ENPP1: variants seen among roughly 807,000 people sequenced by gnomAD.
ENPP1 encodes the protein ectonucleotide pyrophosphatase/phosphodiesterase 1, also known as ectonucleotide pyrophosphatase/phosphodiesterase family member 1.
In ENPP1, 73 loss-of-function variants were observed where a neutral mutation model predicts 122.8. That is an observed-to-expected ratio of 0.59 (90% CI 0.49 to 0.72). The LOEUF is 0.72. Among genes scored for constraint, ENPP1 ranks in the 30% least tolerant of loss-of-function variants. The pLI is 0.00. For missense variants in ENPP1, 978 were observed against 1,128.1 expected, an observed-to-expected ratio of 0.87 and a Z score of 1.91; for synonymous variants, 367 against 391.6, an observed-to-expected ratio of 0.94 and a Z score of 0.74.
chr6:131,871,924 G>T (rs1314508896), intron 13 of ENPP1, 146 bp from the exon 14 acceptor site: 17 of 671,064 alleles, frequency 2.5e-5, no homozygotes, highest in Admixed American at 1.1e-4. Flanking sequence ...CCTTTCAGTG[G>T]CTACAATGTA....
At chr6:131,881,460 G>A (rs1782304737) in intron 20 of ENPP1, among the ~76,000 whole-genome samples, 1 of 152,082 alleles carries the variant, frequency 6.6e-6, no homozygotes, top group Admixed American at 6.5e-5. Context: ...TAACTTTACA[G>A]TCATTGCGAT....
At position 131,891,591 on chromosome 6, in the gene ENPP1, TTAGGCTACA is replaced by T. The variant is rs1325033295; in HGVS notation, c.*1085_*1093del. Reference sequence around the variant, plus strand: ...GAACCTTCAAAGACTGCATTAACTTTTAGGCTACATAGGTCCAATTGAGGTATAATATCA... The same window carrying T: ...GAACCTTCAAAGACTGCATTAACTTTTAGGTCCAATTGAGGTATAATATCA... On this transcript the variant is annotated 3_prime_UTR_variant, in exon 25 of 25. Coordinates refer to ENST00000647893, the MANE Select transcript of ENPP1 (RefSeq NM_006208.3). 6.6e-6 allele frequency: 1 copy of T among 152,218 alleles called. No individual in the cohort carries two copies. Among genetic ancestry groups the T allele is most frequent in the East Asian group, 1.9e-4 (1 of 5,200 alleles). 9.4% of individuals were successfully genotyped at this position (152,218 alleles called of 1,614,324 possible). A position where few individuals can be genotyped will look rare whatever the true frequency, so the allele number is the denominator to read the frequency against.
rs145159778 is a variant in ENPP1, at chr6:131,886,681, C to G, written c.2564C>G (p.Ala855Gly). The G allele has an allele frequency of 6.2e-7, 1 of 1,614,028 alleles. No individual in the cohort carries two copies. The highest frequency in any genetic ancestry group is 1.3e-5 in the African/African-American group (1 of 75,036). The stretch of plus-strand genomic sequence containing the variant: ...CACTGTGAAAACCTAGACACCTTAG[C>G]TTTCATTTTGCCTCACAGGACTGAT... The part of the protein sequence containing the change: ...PLHCENLDTL[A>G]FILPHRTDNS... The change falls in exon 24 of 25, where the codon GCT (alanine) becomes GGT (glycine). Residue 855 changes from alanine (A) to glycine (G), a missense_variant. This residue lies in a region of ENPP1 where 644 missense variants were observed against 781.5 expected (regional missense o/e 0.82). Transcript: ENST00000647893.
At chr6:131,813,743 G>T (rs76125562) in intron 1 of ENPP1, among the ~76,000 whole-genome samples, 2,353 of 152,254 alleles carry the variant, frequency 0.015, 68 homozygotes, top group African/African-American at 0.054. Context: ...GGAGGGAGTA[G>T]AATTAAGTGC....
chr6:131,817,959 A>T (rs553395424), intron 1 of ENPP1, among the ~76,000 whole-genome samples: 1 of 151,890 alleles, frequency 6.6e-6, no homozygotes, highest in South Asian at 2.1e-4. Flanking sequence ...CAAACATCCT[A>T]TAACAGGTGT....
At chr6:131,867,363 A>C (rs967921424) in intron 11 of ENPP1, among the ~76,000 whole-genome samples, 1 of 152,218 alleles carries the variant, frequency 6.6e-6, no homozygotes, top group African/African-American at 2.4e-5. Context: ...AATAAGTGCC[A>C]GAAAGCAGTT....
At chr6:131,813,848 G>T (rs1217436337) in intron 1 of ENPP1, among the ~76,000 whole-genome samples, 1 of 152,048 alleles carries the variant, frequency 6.6e-6, no homozygotes, top group Non-Finnish European at 1.5e-5. Context: ...GTTGGTCGAG[G>T]GCTTTGGATT....
rs1396166711 is a variant in ENPP1 at position 131,850,016 on chromosome 6, G to A, written c.340G>A (p.Glu114Lys). The change falls in exon 3 of 25, where the codon GAG becomes AAG. Residue 114 changes from glutamate to lysine, a missense_variant. Transcript: ENST00000647893. ...TAAAAGTTGCAAAGGTCGCTGTTTC[G>A]AGAGAACATTTGGGAACTGTCGCTG... ...EVKSCKGRCF[E>K]RTFGNCRCDA... The A allele has an allele frequency of 1.1e-5, 17 of 1,613,802 alleles. No individual in the cohort carries two copies. Among genetic ancestry groups the A allele is most frequent in the Admixed American group, 1.7e-5 (1 of 59,984 alleles).
At chr6:131,884,620 T>A (rs941277261) in intron 22 of ENPP1, among the ~76,000 whole-genome samples, 3 of 152,048 alleles carry the variant, frequency 2.0e-5, no homozygotes, top group Non-Finnish European at 4.4e-5. Flanking sequence ...CTACAAAAAA[T>A]TTTAATTAGC....
At chr6:131,871,937 G>T in intron 13 of ENPP1, 133 bp from the exon 14 acceptor site, 1 of 718,334 alleles carries the variant, frequency 1.4e-6, no homozygotes. Context: ...ACAATGTAAT[G>T]ACTTAAATGA....
At chr6:131,847,070 G>A (rs1281803955) in intron 1 of ENPP1, among the ~76,000 whole-genome samples, 1 of 152,218 alleles carries the variant, frequency 6.6e-6, no homozygotes, top group Non-Finnish European at 1.5e-5. Flanking sequence ...CAACTAGTTT[G>A]TGGTAACACT....
chr6:131,840,365 A>C (rs986611345), intron 1 of ENPP1, among the ~76,000 whole-genome samples: 1 of 152,246 alleles, frequency 6.6e-6, no homozygotes, highest in African/African-American at 2.4e-5. Context: ...AAAAAAAGGA[A>C]AAATGTTAAT....
chr6:131,890,669 C>T lies in ENPP1; in HGVS notation c.*158C>T. 1.5e-6 allele frequency: 1 copy of T among 678,558 alleles called. No homozygotes were observed. The highest frequency in any genetic ancestry group is 2.7e-5 in the East Asian group (1 of 37,068). 42.0% of individuals were successfully genotyped at this position (678,558 alleles called of 1,614,324 possible). ...ATCTCAGGGAAACTTGCGTACTCAG[C>T]ACAGCAGTGGAGAGTGTTCCTGTTG... On this transcript the variant is annotated 3_prime_UTR_variant, in exon 25 of 25. Transcript: ENST00000647893.
intron 1 of ENPP1, among the ~76,000 whole-genome samples, 182 bp from the exon 2 acceptor site, chr6:131,847,594 A>G (rs1236508925): frequency 6.6e-6 from 1 of 152,080 alleles, no homozygotes; most frequent in East Asian, 1.9e-4. Flanking sequence ...TAATCCCCCC[A>G]CTTTGGGAGG....
At chr6:131,854,553 G>A (rs1781921454) in intron 5 of ENPP1, among the ~76,000 whole-genome samples, 1 of 152,056 alleles carries the variant, frequency 6.6e-6, no homozygotes, top group Non-Finnish European at 1.5e-5. Flanking sequence ...ATATGCTGTT[G>A]TTTTTTATTG....
chr6:131,880,861 A>G (rs566703537), intron 20 of ENPP1, among the ~76,000 whole-genome samples: 13 of 152,220 alleles, frequency 8.5e-5, no homozygotes, highest in Non-Finnish European at 1.9e-4. Flanking sequence ...CCCACCACCA[A>G]CACCAGAGGA....
Position 131,817,754 on chromosome 6 carries a change from T to TACACACACACACACAC in ENPP1, c.240+9496_240+9511dup, listed in dbSNP as rs138209749. ...GTCTCTCTTTCTTTCTCTCTCTCCA[T>TACACACACACACACAC]ACACACACACACACACACACACACA... is the stretch of plus-strand genomic sequence containing the variant. On this transcript the variant is annotated intron_variant, in intron 1 of 24. Transcript: ENST00000647893. 6.9e-4 allele frequency among the ~76,000 whole-genome samples: 101 copies of TACACACACACACACAC among 146,444 alleles called. 1 individual carries two copies. Among genetic ancestry groups the TACACACACACACACAC allele is most frequent in the African/African-American group, 2.0e-3 (80 of 39,526 alleles).
intron 24 of ENPP1, 81 bp from the exon 25 acceptor site, chr6:131,890,260 A>T: frequency 8.9e-7 from 1 of 1,118,344 alleles, no homozygotes; most frequent in Non-Finnish European, 1.4e-6. Flanking sequence ...GTAAATGATT[A>T]AACTGGGGAG....
At chr6:131,890,118 G>A (rs1782446995) in intron 24 of ENPP1, among the ~76,000 whole-genome samples, 2 of 152,086 alleles carry the variant, frequency 1.3e-5, no homozygotes. Context: ...TCCAGGTATA[G>A]TTTCTTTTCC....
Sources: gnomAD v4.1 joint callset for allele counts (sites outside exome capture counted in the v4.1 genomes callset) on GRCh38, gnomAD v4.1.1 for gene constraint, gnomAD v4.1.1 regional missense constraint, MANE v1.5 for transcripts, NCBI Gene and HGNC (gene_info 2026-07-23, HGNC 2026-07-21) for gene names.